PRKCE: variants seen among roughly 807,000 people sequenced by gnomAD.
PRKCE encodes protein kinase C epsilon type.
PRKCE carries 16 observed loss-of-function variants against 85.4 expected under a neutral mutation model. The ratio of observed to expected loss-of-function variants is 0.19; its 90% CI spans 0.13 to 0.28. The LOEUF is 0.28. Ranked by LOEUF, PRKCE falls within the 10% of genes least tolerant of loss-of-function variation. PRKCE has a pLI of 1.00. For missense variants in PRKCE, 573 were observed against 975.2 expected (o/e 0.59, Z 5.49); for synonymous variants, 388 against 371.5 (o/e 1.04, Z -0.51).
intron 10 of PRKCE, among the ~76,000 whole-genome samples, chr2:46,079,004 G>C (rs6544872): frequency 0.94 from 142,966 of 152,082 alleles, 67,303 homozygotes; most frequent in East Asian, 1. Context: ...TGGTGAAACC[G>C]CATCTCTACT....
intron 10 of PRKCE, among the ~76,000 whole-genome samples, chr2:46,012,819 T>G (rs1159513191): frequency 1.3e-5 from 2 of 152,228 alleles, no homozygotes; most frequent in Non-Finnish European, 2.9e-5. Context: ...TTCCTCATCA[T>G]ATGGCAGCTT....
intron 1 of PRKCE, among the ~76,000 whole-genome samples, chr2:45,728,879 T>C (rs1282062456): frequency 6.6e-6 from 1 of 152,188 alleles, no homozygotes; most frequent in African/African-American, 2.4e-5. Context: ...TAGAGTTGGG[T>C]GTTGGAGCTG....
chr2:45,946,521 T>G (rs1207210427), intron 2 of PRKCE, among the ~76,000 whole-genome samples: 1 of 152,176 alleles, frequency 6.6e-6, no homozygotes. Context: ...GACATCAGCC[T>G]TCCAGCTCTT....
At chr2:46,120,223 T>C (rs1346303320) in intron 11 of PRKCE, among the ~76,000 whole-genome samples, 1 of 152,242 alleles carries the variant, frequency 6.6e-6, no homozygotes, top group East Asian at 1.9e-4. Flanking sequence ...AAAGTGGTTC[T>C]TGATGTTCCT....
At chr2:45,959,389 A>G (rs1701229592) in intron 2 of PRKCE, among the ~76,000 whole-genome samples, 1 of 152,248 alleles carries the variant, frequency 6.6e-6, no homozygotes, top group African/African-American at 2.4e-5. Flanking sequence ...AAACACATAC[A>G]TGCACACAGA....
At chr2:46,147,726 C>CA (rs1676219116) in intron 12 of PRKCE, among the ~76,000 whole-genome samples, 1 of 152,206 alleles carries the variant, frequency 6.6e-6, no homozygotes, top group Admixed American at 6.5e-5. Flanking sequence ...GCCCAGTGCC[C>CA]AGCCCACAGG....
chr2:46,102,880 A>G (rs1044289686), intron 11 of PRKCE, among the ~76,000 whole-genome samples: 1 of 152,326 alleles, frequency 6.6e-6, no homozygotes, highest in African/African-American at 2.4e-5. Flanking sequence ...AATAGTCAAT[A>G]TCAAATGTTT....
At chr2:46,163,799 A>C (rs555314515) in intron 14 of PRKCE, among the ~76,000 whole-genome samples, 1 of 148,232 alleles carries the variant, frequency 6.7e-6, no homozygotes, top group East Asian at 2.1e-4. Context: ...GAGGCCACTG[A>C]GAGACATGGG....
chr2:46,172,594 TA>T (rs1379838325), intron 14 of PRKCE, among the ~76,000 whole-genome samples: 2 of 152,176 alleles, frequency 1.3e-5, no homozygotes, highest in Non-Finnish European at 2.9e-5. Flanking sequence ...AATGGAGACA[TA>T]ATGTGTTTGG....
chr2:45,665,298 A>G (rs1675859497), intron 1 of PRKCE, among the ~76,000 whole-genome samples: 1 of 152,222 alleles, frequency 6.6e-6, no homozygotes, highest in Non-Finnish European at 1.5e-5. Context: ...ACCCAAGAGC[A>G]GGAGGTCTTG....
At chr2:46,126,099 G>A (rs1029851876) in intron 11 of PRKCE, among the ~76,000 whole-genome samples, 4 of 152,162 alleles carry the variant, frequency 2.6e-5, no homozygotes, top group African/African-American at 9.7e-5. Context: ...AGGTAATGCT[G>A]TTTCCAGAAG....
chr2:45,799,445 C>T (rs1687688730), intron 1 of PRKCE, among the ~76,000 whole-genome samples: 1 of 152,046 alleles, frequency 6.6e-6, no homozygotes, highest in Admixed American at 6.6e-5. Context: ...CCTAGCTACT[C>T]AGGAGGCTGA....
Position 46,103,931 on chromosome 2 carries a change from GGT to G in PRKCE, c.1592+17572_1592+17573del, listed in dbSNP as rs528342645. ...GGAGGCAGGAGAGACTGGCATACTT[GGT>G]GTAACTTCACAGGAATACATCATAA... On this transcript the variant is annotated intron_variant, in intron 11 of 14. Coordinates refer to ENST00000306156, the MANE Select transcript of PRKCE (RefSeq NM_005400.3). Among the ~76,000 whole-genome samples, 429 of 152,160 alleles carry G rather than the reference GGT, an allele frequency of 2.8e-3. 4 individuals carry two copies. Among genetic ancestry groups the G allele is most frequent in the African/African-American group, 0.01 (416 of 41,528 alleles).
intron 10 of PRKCE, among the ~76,000 whole-genome samples, chr2:46,030,160 GT>G (rs1388343385): frequency 2.6e-5 from 4 of 152,168 alleles, no homozygotes; most frequent in Non-Finnish European, 5.9e-5. Context: ...TGTCTCCATA[GT>G]CTAAGAACAT....
At position 45,975,956 on chromosome 2, in the gene PRKCE, T is replaced by C. The variant is rs61763797; in HGVS notation, c.413-473T>C. 1.7e-3 allele frequency among the ~76,000 whole-genome samples: 252 copies of C among 152,334 alleles called. 1 individual carries two copies. Among genetic ancestry groups the C allele is most frequent in the African/African-American group, 5.9e-3 (246 of 41,582 alleles). On this transcript the variant is annotated intron_variant, in intron 2 of 14. Coordinates refer to ENST00000306156, the MANE Select transcript of PRKCE (RefSeq NM_005400.3). ...AGGAAGCTTAGGGTGTGGAGATTCA[T>C]CTCATTGCGTCCTCTAAGCCACCCC... is the stretch of plus-strand genomic sequence containing the variant.
At chr2:46,150,629 CTG>C (rs1676528820) in intron 12 of PRKCE, among the ~76,000 whole-genome samples, 1 of 152,192 alleles carries the variant, frequency 6.6e-6, no homozygotes, top group Non-Finnish European at 1.5e-5. Context: ...GTGCCCTGGA[CTG>C]TGTGAGATGG....
intron 2 of PRKCE, among the ~76,000 whole-genome samples, chr2:45,846,986 G>A (rs1303521246): frequency 1.3e-5 from 2 of 152,194 alleles, no homozygotes; most frequent in African/African-American, 4.8e-5. Context: ...ACTGTTCAAG[G>A]ACAGGTTTCT....
intron 11 of PRKCE, among the ~76,000 whole-genome samples, chr2:46,125,674 G>A (rs1225779297): frequency 6.6e-6 from 1 of 152,146 alleles, no homozygotes; most frequent in Non-Finnish European, 1.5e-5. Context: ...TTAAATTCAT[G>A]CATGCCAATA....
At chr2:45,970,238 G>A (rs1219994905) in intron 2 of PRKCE, among the ~76,000 whole-genome samples, 3 of 152,136 alleles carry the variant, frequency 2.0e-5, no homozygotes, top group South Asian at 2.1e-4. Flanking sequence ...AAACAAATTG[G>A]TTACTTTTTT....
Sources: gnomAD v4.1 joint callset for allele counts (sites outside exome capture counted in the v4.1 genomes callset) on GRCh38, gnomAD v4.1.1 for gene constraint, MANE v1.5 for transcripts, NCBI Gene and HGNC (gene_info 2026-07-23, HGNC 2026-07-21) for gene names.